Variants in DIP2B observed in about 807,000 individuals in gnomAD.
DIP2B encodes the protein disco-interacting protein 2 homolog B.
DIP2B carries 76 observed loss-of-function variants against 198.0 expected under a neutral mutation model. That is an observed-to-expected ratio of 0.38 (90% CI 0.32 to 0.46). DIP2B has a LOEUF of 0.46. Among genes scored for constraint, DIP2B ranks in the 20% least tolerant of loss-of-function variants. The pLI, the probability that DIP2B is intolerant of heterozygous loss-of-function variation, is 0.99. For synonymous variants in DIP2B, 701 were observed against 739.1 expected (o/e 0.95, Z 0.84); for missense variants, 1,559 against 1,978.4 (o/e 0.79, Z 4.02).
intron 1 of DIP2B, among the ~76,000 whole-genome samples, chr12:50,624,533 C>T (rs867320205): frequency 2.0e-5 from 3 of 152,118 alleles, no homozygotes; most frequent in South Asian, 2.1e-4. Flanking sequence ...AGGGTTTCAC[C>T]GTGTTGGCCA....
At chr12:50,683,037 T>A in intron 9 of DIP2B, 101 bp from the exon 10 acceptor site, 1 of 1,008,134 alleles carries the variant, frequency 9.9e-7, no homozygotes, top group Non-Finnish European at 1.4e-6. Flanking sequence ...ATAGTTTGAT[T>A]TATTGTGTTC....
At chr12:50,542,897 T>A (rs1024922117) in intron 1 of DIP2B, among the ~76,000 whole-genome samples, 2 of 152,228 alleles carry the variant, frequency 1.3e-5, no homozygotes, top group Non-Finnish European at 2.9e-5. Context: ...AGACAAGGTC[T>A]CATTGTGTTG....
intron 3 of DIP2B, among the ~76,000 whole-genome samples, chr12:50,659,386 A>G (rs1055382769): frequency 2.0e-5 from 3 of 152,108 alleles, no homozygotes; most frequent in South Asian, 2.1e-4. Flanking sequence ...TTTGTGGATT[A>G]GGCCCATTCC....
At chr12:50,515,026 G>C (rs551192492) in intron 1 of DIP2B, among the ~76,000 whole-genome samples, 51 of 151,938 alleles carry the variant, frequency 3.4e-4, no homozygotes, top group Non-Finnish European at 3.8e-4. Context: ...TTGCTTTCAT[G>C]TGCTGGCCCT....
At chr12:50,517,427 A>G (rs1392403188) in intron 1 of DIP2B, among the ~76,000 whole-genome samples, 3 of 152,024 alleles carry the variant, frequency 2.0e-5, no homozygotes, top group East Asian at 1.9e-4. Flanking sequence ...CCTGTTCTCC[A>G]TATCATTCCA....
intron 12 of DIP2B, among the ~76,000 whole-genome samples, chr12:50,689,827 GACAGACAC>G (rs1166026395): frequency 6.6e-6 from 1 of 152,076 alleles, no homozygotes; most frequent in African/African-American, 2.4e-5. Flanking sequence ...GTGGGAGAGA[GACAGACAC>G]ACAGAGACAG....
chr12:50,515,332 A>C (rs1199916902), intron 1 of DIP2B, among the ~76,000 whole-genome samples: 1 of 151,752 alleles, frequency 6.6e-6, no homozygotes, highest in Non-Finnish European at 1.5e-5. Context: ...CTCCCGGGTT[A>C]AAACAATTCT....
intron 23 of DIP2B, among the ~76,000 whole-genome samples, chr12:50,716,952 T>C (rs1335287868): frequency 8.4e-6 from 1 of 118,880 alleles, no homozygotes; most frequent in African/African-American, 3.1e-5. Context: ...GATTTACGAA[T>C]TGTTGCTTTT....
Position 50,595,448 on chromosome 12 carries a change from G to C in DIP2B, c.101-30528G>C, listed in dbSNP as rs548292008. On this transcript the variant is annotated intron_variant, in intron 1 of 37. Transcript: ENST00000301180. ...GCCTCCCTGGGTAGCTGGGACTACA[G>C]GCATGCACCACCACACCTGGGCTTT... 2.6e-5 allele frequency among the ~76,000 whole-genome samples: 4 copies of C among 152,272 alleles called. No individual in the cohort carries two copies. The South Asian group carries it at 8.3e-4, about 32-fold the overall frequency.
At chr12:50,632,959 A>T (rs1327667954) in intron 2 of DIP2B, among the ~76,000 whole-genome samples, 1 of 151,976 alleles carries the variant, frequency 6.6e-6, no homozygotes, top group Non-Finnish European at 1.5e-5. Context: ...AAAAAAAATA[A>T]TTAGAGACAG....
At position 50,714,451 on chromosome 12, in the gene DIP2B, T is replaced by C; in HGVS notation, c.2706T>C (p.Asn902=). The C allele has an allele frequency of 6.2e-7, 1 of 1,614,204 alleles. No individual in the cohort carries two copies. The highest frequency in any genetic ancestry group is 8.5e-7 in the Non-Finnish European group (1 of 1,180,042). ...GVYCLALVPA[N]TLPKTPLGGI... ...ATTGTCTTGCTCTGGTGCCAGCCAA[T>C]ACATTGCCAAAAACTCCACTAGGAG... The change falls in exon 23 of 38, where the codon AAT becomes AAC. Residue 902 remains asparagine (N), a synonymous_variant. Transcript: ENST00000301180.
At chr12:50,732,027 C>T (rs750851772) in intron 31 of DIP2B, among the ~76,000 whole-genome samples, 2 of 152,084 alleles carry the variant, frequency 1.3e-5, no homozygotes, top group African/African-American at 4.8e-5. Flanking sequence ...GAGATTAGAT[C>T]GCCAGAGTTC....
intron 1 of DIP2B, among the ~76,000 whole-genome samples, chr12:50,572,275 T>C (rs1372461767): frequency 1.3e-5 from 2 of 152,244 alleles, no homozygotes; most frequent in Non-Finnish European, 2.9e-5. Context: ...CCTCAAACTT[T>C]GTTGAGTACA....
chr12:50,668,061 T>G (rs1938786825), intron 4 of DIP2B, among the ~76,000 whole-genome samples: 1 of 152,304 alleles, frequency 6.6e-6, no homozygotes, highest in Admixed American at 6.5e-5. Context: ...TTCTTTAATA[T>G]CTTTAAAAAG....
intron 1 of DIP2B, among the ~76,000 whole-genome samples, chr12:50,551,345 C>T (rs1055647160): frequency 3.9e-5 from 6 of 152,044 alleles, no homozygotes; most frequent in Non-Finnish European, 8.8e-5. Context: ...ATCGCTTGAA[C>T]CTGGGAGGCA....
chr12:50,730,536 C>T (rs895839800), intron 30 of DIP2B, among the ~76,000 whole-genome samples: 2 of 151,778 alleles, frequency 1.3e-5, no homozygotes, highest in South Asian at 2.1e-4. Context: ...TGTGCCACCA[C>T]GCCTGGCTAA....
chr12:50,539,421 C>T (rs1958299479), intron 1 of DIP2B, among the ~76,000 whole-genome samples: 1 of 151,746 alleles, frequency 6.6e-6, no homozygotes, highest in Non-Finnish European at 1.5e-5. Context: ...AGTTTGAAAC[C>T]AGCCTGGCCA....
chr12:50,706,752 T>C, intron 21 of DIP2B, 87 bp downstream of exon 21: 1 of 1,494,758 alleles, frequency 6.7e-7, no homozygotes, highest in Non-Finnish European at 9.1e-7. Flanking sequence ...ATTTTGTAGG[T>C]TCTCTTTCCA....
At chr12:50,717,567 CCG>C (rs1939751377) in intron 23 of DIP2B, among the ~76,000 whole-genome samples, 8 of 151,686 alleles carry the variant, frequency 5.3e-5, no homozygotes, top group Non-Finnish European at 1.2e-4. Flanking sequence ...CAGGGTTTCA[CCG>C]CGTTAGCCGG....
Sources: gnomAD v4.1 joint callset for allele counts (sites outside exome capture counted in the v4.1 genomes callset) on GRCh38, gnomAD v4.1.1 for gene constraint, MANE v1.5 for transcripts, NCBI Gene and HGNC (gene_info 2026-07-23, HGNC 2026-07-21) for gene names.